Variants in JMJD1C observed in about 807,000 individuals in gnomAD.
JMJD1C encodes the protein jumonji domain-containing protein 1C.
In JMJD1C, 31 loss-of-function variants were observed where a neutral mutation model predicts 245.3. The observed-to-expected ratio is 0.13, with a 90% confidence interval of 0.09 to 0.17. The LOEUF (loss-of-function observed/expected upper bound fraction) is 0.17, where lower values mean the gene tolerates loss of function less well. JMJD1C is among the 10% of genes least tolerant of loss of function. The pLI is 1.00. For missense variants in JMJD1C, 2,691 were observed against 3,000.2 expected (o/e 0.90, Z 2.41); for synonymous variants, 1,057 against 1,017.4 (o/e 1.04, Z -0.74).
intron 1 of JMJD1C, among the ~76,000 whole-genome samples, chr10:63,394,228 C>CAAAAA (rs1367933546): frequency 6.9e-6 from 1 of 144,940 alleles, no homozygotes; most frequent in East Asian, 2.0e-4. Context: ...TATATGGCAT[C>CAAAAA]AAAAAAAACT....
At chr10:63,192,326 T>C (rs1263986257) in intron 16 of JMJD1C, among the ~76,000 whole-genome samples, 1 of 150,542 alleles carries the variant, frequency 6.6e-6, no homozygotes, top group Non-Finnish European at 1.5e-5. Context: ...TCCCAACACT[T>C]TGGGAAGCCT....
In JMJD1C at chr10:63,189,311, T is replaced by A; in HGVS notation, c.6427A>T (p.Ile2143Leu). ...TTATTTTCATCCACTGCAGATATTA[T>A]GCTTTCTTCAGGCTCTTCTTTAAGC... The part of the protein sequence containing the change: ...PELKEEPEES[I>L]ISAVDENNKL... Residue 2143 changes from isoleucine (I) to leucine (L), a missense_variant, in exon 18 of 26, where the codon ATA (isoleucine) becomes TTA (leucine). Ile to Leu is a conservative substitution (Grantham distance 5). Transcript: ENST00000399262. 6.2e-7 allele frequency: 1 copy of A among 1,613,928 alleles called. No individual in the cohort carries two copies. Among genetic ancestry groups the A allele is most frequent in the Non-Finnish European group, 8.5e-7 (1 of 1,179,892 alleles).
intron 3 of JMJD1C, among the ~76,000 whole-genome samples, chr10:63,229,894 A>T (rs1437351878): frequency 6.6e-6 from 1 of 152,244 alleles, no homozygotes; most frequent in African/African-American, 2.4e-5. Flanking sequence ...CAATTTCAGT[A>T]AAAGGCTATT....
intron 24 of JMJD1C, among the ~76,000 whole-genome samples, chr10:63,171,180 T>TA (rs144129186): frequency 0.053 from 7,889 of 148,578 alleles, 296 homozygotes; most frequent in African/African-American, 0.11. Flanking sequence ...TGTGTTAACT[T>TA]AAAAAAAAAA....
chr10:63,212,331 A>AAC (rs1847466469), intron 8 of JMJD1C, among the ~76,000 whole-genome samples: 1 of 152,208 alleles, frequency 6.6e-6, no homozygotes, highest in Non-Finnish European at 1.5e-5. Flanking sequence ...TGTGTTTTTT[A>AAC]ACCACAAAAA....
rs1324483175 is a variant in JMJD1C, at chr10:63,197,424, C to T, written c.5631G>A (p.Arg1877=). The T allele has an allele frequency of 1.2e-6, 2 of 1,613,148 alleles. No homozygotes were observed. Among genetic ancestry groups the T allele is most frequent in the East Asian group, 2.2e-5 (1 of 44,870 alleles). Reference sequence around the variant, plus strand: ...TTATACACCAACCTCTAGAACTCTTCCTTTCCTTTGCCTTGTAACAATCTA... The same window carrying T: ...TTATACACCAACCTCTAGAACTCTTTCTTTCCTTTGCCTTGTAACAATCTA... The part of the protein sequence containing the change: ...VCLDCYKAKE[R]KSSRDKELYA... The change falls in exon 13 of 26, where the codon AGG becomes AGA. Residue 1877 remains arginine (R), a synonymous_variant. Transcript: ENST00000399262.
At chr10:63,269,885 C>T (rs1856069221) in intron 2 of JMJD1C, among the ~76,000 whole-genome samples, 2 of 151,934 alleles carry the variant, frequency 1.3e-5, no homozygotes, top group African/African-American at 4.8e-5. Context: ...TGATGTTGTC[C>T]AATATGGTAG....
intron 1 of JMJD1C, among the ~76,000 whole-genome samples, chr10:63,394,844 C>CA (rs35359377): frequency 0.7 from 88,448 of 126,824 alleles, 30,228 homozygotes; most frequent in Non-Finnish European, 0.79. Context: ...AACTCCATCA[C>CA]AAAAAAAAAA....
At chr10:63,218,007 G>A (rs991079824) in intron 4 of JMJD1C, among the ~76,000 whole-genome samples, 1 of 151,992 alleles carries the variant, frequency 6.6e-6, no homozygotes, top group Non-Finnish European at 1.5e-5. Context: ...CTCTACAGAA[G>A]AGGATACTGA....
chr10:63,472,996 G>A (rs966903811), intron 1 of JMJD1C, among the ~76,000 whole-genome samples: 21 of 151,736 alleles, frequency 1.4e-4, no homozygotes, highest in Non-Finnish European at 2.4e-4. Context: ...TGTTGGCCAG[G>A]ATGGTCTCGA....
chr10:63,413,579 T>C (rs1352873398), intron 1 of JMJD1C, among the ~76,000 whole-genome samples: 1 of 152,190 alleles, frequency 6.6e-6, no homozygotes, highest in African/African-American at 2.4e-5. Context: ...AGATTCTTCA[T>C]AGCTATCTTA....
At chr10:63,515,257 C>T (rs1954983183) in intron 1 of JMJD1C, among the ~76,000 whole-genome samples, 1 of 152,146 alleles carries the variant, frequency 6.6e-6, no homozygotes, top group South Asian at 2.1e-4. Context: ...TCCCATTCCC[C>T]AGTTAGGTTT....
At chr10:63,402,683 T>G (rs1350976179) in intron 1 of JMJD1C, among the ~76,000 whole-genome samples, 1 of 152,180 alleles carries the variant, frequency 6.6e-6, no homozygotes, top group Non-Finnish European at 1.5e-5. Flanking sequence ...AACCATATAA[T>G]AAACATACTA....
chr10:63,225,985 A>ACCCCCCCCCCTCCCCCCC (rs67708339), intron 3 of JMJD1C, among the ~76,000 whole-genome samples: 1 of 132,132 alleles, frequency 7.6e-6, no homozygotes, highest in African/African-American at 2.8e-5. Context: ...CTTCTCCCCC[A>ACCCCCCCCCCTCCCCCCC]CCCCCCCCTT....
chr10:63,461,284 C>T (rs529011103), intron 1 of JMJD1C, among the ~76,000 whole-genome samples: 1 of 152,258 alleles, frequency 6.6e-6, no homozygotes, highest in Admixed American at 6.5e-5. Context: ...CTATCAAGAT[C>T]GTATTGACCA....
In JMJD1C at chr10:63,494,771, C is replaced by T. The variant is rs73298557; in HGVS notation, n.113+26967G>A. Among the ~76,000 whole-genome samples the T allele has an allele frequency of 4.1e-3, 622 of 152,244 alleles. 5 individuals carry two copies. Among genetic ancestry groups the T allele is most frequent in the African/African-American group, 0.014 (575 of 41,532 alleles). ...AAAACCTAAAGAGAAGCAAAATGTA[C>T]GCTGACAAATATCATAAATTTATTG... On this transcript the variant is annotated intron_variant and non_coding_transcript_variant, in intron 1 of 3. Transcript: ENST00000633035.
upstream of JMJD1C, chr10:63,466,433 C>G (rs3816652): frequency 0.037 from 5,616 of 152,464 alleles, 329 homozygotes; most frequent in East Asian, 0.29. Context: ...CTACTGAAAA[C>G]TAAGCCCCAA....
rs186242593 is a variant in JMJD1C at position 63,256,989 on chromosome 10, C to T, written c.447+7662G>A. On this transcript the variant is annotated intron_variant, in intron 3 of 25. Transcript: ENST00000399262. Reference sequence around the variant, plus strand: ...GTGGCTTACACCTGTAATCCGAACACGTTGGGAGGCCGAGGTGGGAGGATT... The same window carrying T: ...GTGGCTTACACCTGTAATCCGAACATGTTGGGAGGCCGAGGTGGGAGGATT... Among the ~76,000 whole-genome samples, 5 of 152,104 alleles carry T rather than the reference C, an allele frequency of 3.3e-5. 1 individual carries two copies. The highest frequency in any genetic ancestry group is 1.9e-4 in the East Asian group (1 of 5,174).
intron 18 of JMJD1C, 42 bp from the exon 19 acceptor site, chr10:63,186,425 A>C (rs1564568923): frequency 2.0e-6 from 3 of 1,464,526 alleles, no homozygotes; most frequent in Non-Finnish European, 2.8e-6. Context: ...AGATATATAG[A>C]CTTTCTTTTT....
Sources: allele counts gnomAD v4.1 joint callset (sites outside exome capture counted in the v4.1 genomes callset), GRCh38; gene constraint gnomAD v4.1.1; transcripts MANE v1.5; gene names NCBI Gene and HGNC (gene_info 2026-07-23, HGNC 2026-07-21).